The following GRAMD2B variants were observed in gnomAD, a reference collection of about 807,000 sequenced individuals.
GRAMD2B encodes the protein GRAM domain-containing protein 2B.
A neutral mutation model predicts 59.2 loss-of-function variants in GRAMD2B; 41 were observed. The ratio of observed to expected loss-of-function variants is 0.69; its 90% CI spans 0.54 to 0.90. The LOEUF (loss-of-function observed/expected upper bound fraction) is 0.90. GRAMD2B is among the 40% of genes least tolerant of loss of function. The pLI is 0.00. For synonymous variants in GRAMD2B, 161 were observed against 182.7 expected (o/e 0.88, Z 0.96); for missense variants, 424 against 500.5 (o/e 0.85, Z 1.46).
intron 13 of GRAMD2B, 61 bp downstream of exon 13, chr5:126,488,953 G>T: frequency 8.2e-7 from 1 of 1,226,806 alleles, no homozygotes; most frequent in Non-Finnish European, 1.2e-6. Flanking sequence ...GTTGCCCTAG[G>T]TCAGGTCAGG....
chr5:126,429,277 G>T (rs1761153681), intron 1 of GRAMD2B, among the ~76,000 whole-genome samples: 1 of 152,130 alleles, frequency 6.6e-6, no homozygotes, highest in Non-Finnish European at 1.5e-5. Context: ...GCAAACAAAT[G>T]CAGGAACAAA....
intron 1 of GRAMD2B, among the ~76,000 whole-genome samples, chr5:126,371,879 A>G (rs1329611439): frequency 6.6e-6 from 1 of 152,208 alleles, no homozygotes; most frequent in Non-Finnish European, 1.5e-5. Context: ...TCTCAGGTTC[A>G]TAAGAAGTGA....
At position 126,463,670 on chromosome 5, in the gene GRAMD2B, G is replaced by A. The variant is rs184740979; in HGVS notation, c.84-1756G>A. On this transcript the variant is annotated intron_variant, in intron 1 of 13. Transcript: ENST00000285689. Reference sequence around the variant, plus strand: ...TGAAGAAATAGAAGGTTGGACCTCTGTCCTCAGATATGTATCTACTAGGAA... The same window carrying A: ...TGAAGAAATAGAAGGTTGGACCTCTATCCTCAGATATGTATCTACTAGGAA... Among the ~76,000 whole-genome samples the A allele has an allele frequency of 1.5e-3, 226 of 152,306 alleles. 1 individual carries two copies. Among genetic ancestry groups the A allele is most frequent in the Admixed American group, 3.6e-3 (55 of 15,300 alleles).
At chr5:126,376,306 C>T (rs1161053650) in intron 1 of GRAMD2B, among the ~76,000 whole-genome samples, 3 of 152,078 alleles carry the variant, frequency 2.0e-5, no homozygotes, top group Non-Finnish European at 4.4e-5. Flanking sequence ...TGCTCAAAGT[C>T]CTTCTGTGTT....
intron 1 of GRAMD2B, among the ~76,000 whole-genome samples, chr5:126,405,127 G>A (rs1758160436): frequency 6.6e-6 from 1 of 151,838 alleles, no homozygotes; most frequent in Admixed American, 6.6e-5. Context: ...TATGACTGGG[G>A]ATGCAGAATA....
intron 5 of GRAMD2B, 71 bp from the exon 6 acceptor site, chr5:126,477,619 TCC>T: frequency 1.2e-6 from 1 of 865,164 alleles, no homozygotes; most frequent in Non-Finnish European, 2.0e-6. Context: ...TTTTCTTTTT[TCC>T]TTAAATGTGA....
At chr5:126,407,868 T>A (rs1321550786) in intron 1 of GRAMD2B, among the ~76,000 whole-genome samples, 2 of 152,052 alleles carry the variant, frequency 1.3e-5, no homozygotes, top group Admixed American at 6.6e-5. Flanking sequence ...CTGTACTAAG[T>A]CCTTTGTATA....
At chr5:126,466,305 T>C in intron 2 of GRAMD2B, 1 of 1,498,782 alleles carries the variant, frequency 6.7e-7, no homozygotes, top group Non-Finnish European at 9.1e-7. Context: ...CCATATCTTC[T>C]CTCCAAATCT....
intron 1 of GRAMD2B, among the ~76,000 whole-genome samples, chr5:126,401,226 C>T (rs1456690442): frequency 6.6e-6 from 1 of 151,900 alleles, no homozygotes; most frequent in Non-Finnish European, 1.5e-5. Context: ...AAGTTTGTTG[C>T]TTAAGCTCTC....
At chr5:126,388,774 T>C (rs1756429374) in intron 1 of GRAMD2B, among the ~76,000 whole-genome samples, 1 of 151,968 alleles carries the variant, frequency 6.6e-6, no homozygotes, top group Non-Finnish European at 1.5e-5. Context: ...AAAAAACCTA[T>C]TGAATCTTTT....
At chr5:126,463,077 T>C (rs1355337484) in intron 1 of GRAMD2B, among the ~76,000 whole-genome samples, 1 of 152,090 alleles carries the variant, frequency 6.6e-6, no homozygotes, top group Non-Finnish European at 1.5e-5. Flanking sequence ...TGGGTCAGGG[T>C]CAAAGAGGAG....
At chr5:126,414,934 TCTC>T (rs1759133465) in intron 1 of GRAMD2B, among the ~76,000 whole-genome samples, 1 of 152,078 alleles carries the variant, frequency 6.6e-6, no homozygotes, top group Admixed American at 6.6e-5. Flanking sequence ...ATGTAAAAAG[TCTC>T]CCCTACCCCA....
intron 1 of GRAMD2B, among the ~76,000 whole-genome samples, chr5:126,456,204 AGTAG>A (rs1225148650): frequency 1.3e-5 from 2 of 152,008 alleles, no homozygotes; most frequent in African/African-American, 2.4e-5. Flanking sequence ...CTGCCCCCTC[AGTAG>A]CTACCACTTT....
intron 1 of GRAMD2B, among the ~76,000 whole-genome samples, chr5:126,441,505 T>C (rs1581009478): frequency 1.3e-5 from 2 of 152,340 alleles, no homozygotes; most frequent in Middle Eastern, 6.8e-3. Flanking sequence ...TCCTTGCCTT[T>C]TATAGCCTGA....
At chr5:126,428,583 G>A (rs1309775826) in intron 1 of GRAMD2B, among the ~76,000 whole-genome samples, 1 of 152,210 alleles carries the variant, frequency 6.6e-6, no homozygotes, top group Non-Finnish European at 1.5e-5. Context: ...TAGGAAACTA[G>A]TATTTGAATT....
intron 1 of GRAMD2B, among the ~76,000 whole-genome samples, chr5:126,453,211 T>C (rs1029371078): frequency 6.6e-6 from 1 of 152,178 alleles, no homozygotes; most frequent in African/African-American, 2.4e-5. Context: ...GGCACATGCC[T>C]GTAATCCCAG....
intron 1 of GRAMD2B, among the ~76,000 whole-genome samples, chr5:126,459,816 T>C (rs1458273946): frequency 6.6e-6 from 1 of 152,242 alleles, no homozygotes; most frequent in Non-Finnish European, 1.5e-5. Flanking sequence ...AGTGAGAAGA[T>C]ATAGACACTG....
At chr5:126,373,874 C>T (rs1754966317) in intron 1 of GRAMD2B, among the ~76,000 whole-genome samples, 2 of 152,022 alleles carry the variant, frequency 1.3e-5, no homozygotes, top group Admixed American at 6.6e-5. Flanking sequence ...AGAGTGGCAC[C>T]CATGAAATCA....
chr5:126,461,934 C>CT (rs1218887740), intron 1 of GRAMD2B, among the ~76,000 whole-genome samples: 1 of 152,198 alleles, frequency 6.6e-6, no homozygotes, highest in Admixed American at 6.5e-5. Context: ...ATAACTGATG[C>CT]TTAAAGTGGG....
Sources: allele counts gnomAD v4.1 joint callset (sites outside exome capture counted in the v4.1 genomes callset), GRCh38; gene constraint gnomAD v4.1.1; transcripts MANE v1.5; gene names NCBI Gene and HGNC (gene_info 2026-07-23, HGNC 2026-07-21).